The following MAF variants were observed in gnomAD, a reference collection of about 807,000 sequenced individuals.
The protein encoded by MAF is MAF bZIP transcription factor.
MAF carries 10 observed loss-of-function variants against 22.0 expected under a neutral mutation model. That is an observed-to-expected ratio of 0.45 (90% confidence interval 0.28 to 0.77). The LOEUF is 0.77. Among genes scored for constraint, MAF ranks in the 30% least tolerant of loss-of-function variants. The probability of loss-of-function intolerance (pLI) is 0.12; values close to 1 mark genes in which losing one functional copy is unlikely to be tolerated. For missense variants in MAF, 544 were observed against 548.4 expected (o/e 0.99, Z 0.08); for synonymous variants, 337 against 255.8 (o/e 1.32, Z -3.03).
chr16:79,509,906 G>A, the MAF span, among the ~76,000 whole-genome samples: 2 of 152,166 alleles, frequency 1.3e-5, no homozygotes, highest in African/African-American at 4.8e-5. Context: ...GGAGCAACTG[G>A]GTTGAAAGGG....
At chr16:79,524,536 C>T in the MAF span, among the ~76,000 whole-genome samples, 1 of 152,214 alleles carries the variant, frequency 6.6e-6, no homozygotes, top group Non-Finnish European at 1.5e-5. Context: ...CTAGGAACAG[C>T]AGCAGAACAA....
the MAF span, among the ~76,000 whole-genome samples, chr16:79,502,751 A>G: frequency 7.7e-6 from 1 of 129,208 alleles, no homozygotes; most frequent in African/African-American, 3.4e-5. Context: ...ATATATATAT[A>G]TATAAAGACT....
the MAF span, chr16:79,505,834 G>T: frequency 6.6e-6 from 1 of 152,286 alleles, no homozygotes; most frequent in Non-Finnish European, 1.5e-5. Context: ...CATGAGAAAA[G>T]AAGCAAGAGA....
the MAF span, among the ~76,000 whole-genome samples, chr16:79,493,750 G>A: frequency 6.6e-6 from 1 of 152,220 alleles, no homozygotes; most frequent in Non-Finnish European, 1.5e-5. Flanking sequence ...TGTGCATTAT[G>A]AGCATCATGA....
the MAF span, among the ~76,000 whole-genome samples, chr16:79,370,228 A>T: frequency 6.6e-6 from 1 of 152,318 alleles, no homozygotes; most frequent in East Asian, 1.9e-4. Context: ...TAGAAATGAC[A>T]TTCAAAGGTA....
the MAF span, among the ~76,000 whole-genome samples, chr16:79,393,110 A>G: frequency 1.3e-5 from 2 of 152,324 alleles, no homozygotes. Flanking sequence ...ATCTATGCAG[A>G]GAGGATGTTG....
chr16:79,326,590 T>C, the MAF span, among the ~76,000 whole-genome samples: 2 of 152,228 alleles, frequency 1.3e-5, no homozygotes, highest in African/African-American at 4.8e-5. Flanking sequence ...GGAAAACTTG[T>C]TCTGTAAAAG....
At chr16:79,469,627 C>T in the MAF span, among the ~76,000 whole-genome samples, 2 of 152,124 alleles carry the variant, frequency 1.3e-5, no homozygotes, top group African/African-American at 4.8e-5. Flanking sequence ...GACAGAGTCT[C>T]ACTCTGTTGC....
chr16:79,409,076 A>G, the MAF span, among the ~76,000 whole-genome samples: 17 of 151,802 alleles, frequency 1.1e-4, no homozygotes, highest in Non-Finnish European at 2.5e-4. Flanking sequence ...CAGCACCTGG[A>G]GTTGTGTAGC....
At chr16:79,570,524 G>A in the MAF span, among the ~76,000 whole-genome samples, 1 of 152,144 alleles carries the variant, frequency 6.6e-6, no homozygotes, top group Non-Finnish European at 1.5e-5. Context: ...CTTAGTTTGT[G>A]CTTACCACCA....
chr16:79,428,849 A>AAATAAT, the MAF span, among the ~76,000 whole-genome samples: 3,899 of 146,592 alleles, frequency 0.027, 166 homozygotes, highest in African/African-American at 0.09. Flanking sequence ...TGTCTCAGAA[A>AAATAAT]AATAATAATA....
At chr16:79,520,208 G>C in the MAF span, among the ~76,000 whole-genome samples, 4 of 152,288 alleles carry the variant, frequency 2.6e-5, no homozygotes, top group East Asian at 7.7e-4. Flanking sequence ...CTTCTTAGCA[G>C]CTGGGGCCAT....
chr16:79,561,662 G>A, the MAF span, among the ~76,000 whole-genome samples: 1 of 152,104 alleles, frequency 6.6e-6, no homozygotes. Context: ...GGAACCTTCA[G>A]GAAAGGGAGC....
chr16:79,312,733 C>T, the MAF span, among the ~76,000 whole-genome samples: 4 of 152,230 alleles, frequency 2.6e-5, no homozygotes, highest in African/African-American at 7.2e-5. Context: ...GGCCTGTCTT[C>T]GTGCCTGTCT....
At chr16:79,397,006 T>A in the MAF span, among the ~76,000 whole-genome samples, 1 of 152,104 alleles carries the variant, frequency 6.6e-6, no homozygotes, top group African/African-American at 2.4e-5. Flanking sequence ...CCTGCACGAG[T>A]CATTTATTAC....
chr16:79,302,063 G>C, the MAF span, among the ~76,000 whole-genome samples: 1 of 152,204 alleles, frequency 6.6e-6, no homozygotes, highest in Admixed American at 6.5e-5. Flanking sequence ...CGGAGGGCCT[G>C]ACTCTCACCT....
chr16:79,519,226 G>A, the MAF span, among the ~76,000 whole-genome samples: 3 of 152,084 alleles, frequency 2.0e-5, no homozygotes, highest in Non-Finnish European at 4.4e-5. Context: ...CTGTTACTCT[G>A]AGCTCGGGAT....
At chr16:79,518,838 T>C in the MAF span, among the ~76,000 whole-genome samples, 4 of 152,070 alleles carry the variant, frequency 2.6e-5, no homozygotes, top group Non-Finnish European at 4.4e-5. Context: ...GGCAGGAGAA[T>C]TGCTTGAACC....
the MAF span, among the ~76,000 whole-genome samples, chr16:79,227,155 CCCCATCTCTACAAAAGTCTGGTCTCAAAT>C: frequency 6.6e-6 from 1 of 152,024 alleles, no homozygotes; most frequent in Middle Eastern, 3.2e-3. Flanking sequence ...CTGGTCTCAA[CCCCATCTCTACAAAAGTCTGGTCTCAAAT>C]CCCGTCTCTA....
Sources: allele counts gnomAD v4.1 joint callset (sites outside exome capture counted in the v4.1 genomes callset), GRCh38; gene constraint gnomAD v4.1.1; transcripts MANE v1.5; gene names NCBI Gene and HGNC (gene_info 2026-07-23, HGNC 2026-07-21).